The following TSPAN18 variants were observed in gnomAD, a reference collection of about 807,000 sequenced individuals.
The protein encoded by TSPAN18 is tetraspanin 18.
TSPAN18 carries 14 observed loss-of-function variants against 27.3 expected under a neutral mutation model. The ratio of observed to expected loss-of-function variants is 0.51; its 90% confidence interval spans 0.34 to 0.80. TSPAN18 has a LOEUF of 0.80. Among genes scored for constraint, TSPAN18 ranks in the 30% least tolerant of loss-of-function variants. The pLI, the probability that TSPAN18 is intolerant of heterozygous loss-of-function variation, is 0.01. For missense variants in TSPAN18, 268 were observed against 323.9 expected, an observed-to-expected ratio of 0.83 and a Z score of 1.32; for synonymous variants, 143 against 136.5, an observed-to-expected ratio of 1.05 and a Z score of -0.33.
chr11:44,906,344 G>A (rs1051510689), intron 3 of TSPAN18, 63 bp from the exon 4 acceptor site: 4 of 1,471,766 alleles, frequency 2.7e-6, no homozygotes, highest in Non-Finnish European at 3.8e-6. Context: ...CCTGGGGAGG[G>A]GCTGGGGTTC....
At chr11:44,776,215 C>T (rs1015440123) in intron 2 of TSPAN18, among the ~76,000 whole-genome samples, 2 of 152,202 alleles carry the variant, frequency 1.3e-5, no homozygotes, top group Non-Finnish European at 2.9e-5. Flanking sequence ...TGGGCCGGGA[C>T]TCAGGAAAGG....
intron 2 of TSPAN18, among the ~76,000 whole-genome samples, chr11:44,836,780 A>G (rs1370485831): frequency 6.6e-6 from 1 of 152,222 alleles, no homozygotes; most frequent in Non-Finnish European, 1.5e-5. Flanking sequence ...GACCCTTAAG[A>G]ATGAGGCTAA....
intron 2 of TSPAN18, among the ~76,000 whole-genome samples, chr11:44,800,006 G>GTTTTTTTTT (rs60067559): frequency 3.0e-3 from 332 of 109,300 alleles, no homozygotes; most frequent in African/African-American, 7.7e-3. Context: ...AATTTTTTGT[G>GTTTTTTTTT]TTTTTTTTTT....
chr11:44,793,544 C>T (rs1349190879), intron 2 of TSPAN18, among the ~76,000 whole-genome samples: 2 of 152,132 alleles, frequency 1.3e-5, no homozygotes, highest in Non-Finnish European at 2.9e-5. Flanking sequence ...CTACACGGAG[C>T]TCACCTTTTT....
At chr11:44,824,086 C>T (rs1475509542) in intron 2 of TSPAN18, among the ~76,000 whole-genome samples, 2 of 152,210 alleles carry the variant, frequency 1.3e-5, no homozygotes, top group Admixed American at 1.3e-4. Flanking sequence ...CTTCCCTCAA[C>T]ATAAAGCCTG....
chr11:44,737,188 G>A (rs1041005894), intron 1 of TSPAN18, among the ~76,000 whole-genome samples: 8 of 152,230 alleles, frequency 5.3e-5, no homozygotes, highest in Non-Finnish European at 4.4e-5. Flanking sequence ...GGAGGCCATA[G>A]CACCAAAGCC....
chr11:44,859,180 G>C (rs908930299), intron 2 of TSPAN18, among the ~76,000 whole-genome samples: 1 of 152,212 alleles, frequency 6.6e-6, no homozygotes, highest in African/African-American at 2.4e-5. Flanking sequence ...CTGAGACGCA[G>C]AGAAGGGAGC....
chr11:44,865,778 C>T (rs886066457), intron 3 of TSPAN18, among the ~76,000 whole-genome samples: 1 of 152,108 alleles, frequency 6.6e-6, no homozygotes, highest in African/African-American at 2.4e-5. Context: ...GGCTAAAAGT[C>T]CTGAGGCTGG....
At chr11:44,764,271 A>G (rs1011809810) in intron 1 of TSPAN18, among the ~76,000 whole-genome samples, 155 bp from the exon 2 acceptor site, 1 of 152,162 alleles carries the variant, frequency 6.6e-6, no homozygotes, top group African/African-American at 2.4e-5. Context: ...CATTCAAACC[A>G]TATCACCAGT....
chr11:44,817,027 G>A (rs547330195), intron 2 of TSPAN18, among the ~76,000 whole-genome samples: 1 of 152,352 alleles, frequency 6.6e-6, no homozygotes, highest in Admixed American at 6.5e-5. Context: ...AGCGAGGTGG[G>A]GCCACTTGAA....
intron 1 of TSPAN18, among the ~76,000 whole-genome samples, chr11:44,750,708 A>G (rs1855190389): frequency 6.6e-6 from 1 of 152,166 alleles, no homozygotes; most frequent in African/African-American, 2.4e-5. Context: ...GTGAGAATCA[A>G]TAGGCGAGAT....
At chr11:44,778,069 G>A (rs767238444) in intron 2 of TSPAN18, among the ~76,000 whole-genome samples, 1 of 152,092 alleles carries the variant, frequency 6.6e-6, no homozygotes, top group Admixed American at 6.5e-5. Context: ...TGGGGGGTGG[G>A]GCAGTTAGTC....
In TSPAN18 at chr11:44,879,119, A is replaced by C. The variant is rs1858419503; in HGVS notation, c.-11+18650A>C. ...TTGAACAAGGGACCCCCTTGTTTTT[A>C]CTGAGCCCCGCAAATGATATAGTTG... On this transcript the variant is annotated intron_variant, in intron 3 of 9. Transcript: ENST00000520358. Among the ~76,000 whole-genome samples, 2 of 152,112 alleles carry C rather than the reference A, an allele frequency of 1.3e-5. 1 individual carries two copies. Among genetic ancestry groups the C allele is most frequent in the South Asian group, 4.1e-4 (2 of 4,828 alleles).
intron 2 of TSPAN18, among the ~76,000 whole-genome samples, chr11:44,775,315 A>AT (rs1855780434): frequency 6.6e-6 from 1 of 152,232 alleles, no homozygotes; most frequent in Non-Finnish European, 1.5e-5. Context: ...TTTATCTGGG[A>AT]ACCCCGTACC....
At chr11:44,767,402 A>C (rs1238723142) in intron 2 of TSPAN18, among the ~76,000 whole-genome samples, 1 of 152,248 alleles carries the variant, frequency 6.6e-6, no homozygotes, top group Non-Finnish European at 1.5e-5. Context: ...TTCCTAGCCC[A>C]AGGACAGTGT....
intron 1 of TSPAN18, among the ~76,000 whole-genome samples, chr11:44,733,215 G>A (rs1226592365): frequency 2.0e-5 from 3 of 152,226 alleles, no homozygotes; most frequent in African/African-American, 7.2e-5. Flanking sequence ...CCCTAGTAGA[G>A]TGCTTTAAGG....
intron 3 of TSPAN18, among the ~76,000 whole-genome samples, chr11:44,882,008 A>G (rs924150757): frequency 6.6e-6 from 1 of 152,030 alleles, no homozygotes; most frequent in Non-Finnish European, 1.5e-5. Context: ...CATCTTCCCA[A>G]CTCCCACAGT....
At chr11:44,892,455 T>C (rs1858885676) in intron 3 of TSPAN18, among the ~76,000 whole-genome samples, 1 of 152,254 alleles carries the variant, frequency 6.6e-6, no homozygotes, top group African/African-American at 2.4e-5. Context: ...TCCGTGCTTC[T>C]GTGCTCCCCC....
chr11:44,875,785 G>A (rs1016237845), intron 3 of TSPAN18, among the ~76,000 whole-genome samples: 3 of 152,192 alleles, frequency 2.0e-5, no homozygotes, highest in Non-Finnish European at 1.5e-5. Context: ...TTTCTAAAGT[G>A]TGCTTAGGAA....
Sources: gnomAD v4.1 joint callset for allele counts (sites outside exome capture counted in the v4.1 genomes callset) on GRCh38, gnomAD v4.1.1 for gene constraint, MANE v1.5 for transcripts, NCBI Gene and HGNC (gene_info 2026-07-23, HGNC 2026-07-21) for gene names.